RYR2: variants seen among roughly 807,000 people sequenced by gnomAD.
The protein encoded by RYR2 is ryanodine receptor 2.
In RYR2, 227 loss-of-function variants were observed where a neutral mutation model predicts 601.1. The ratio of observed to expected loss-of-function variants is 0.38; its 90% CI spans 0.34 to 0.42. RYR2 has a LOEUF of 0.42. Among genes scored for constraint, RYR2 ranks in the 10% least tolerant of loss-of-function variants. The pLI, the probability that RYR2 is intolerant of heterozygous loss-of-function variation, is 1.00. For synonymous variants in RYR2, 2,223 were observed against 2,175.1 expected (o/e 1.02, Z -0.61); for missense variants, 4,646 against 6,156.5 (o/e 0.75, Z 8.21).
At position 237,455,805 on chromosome 1, in the gene RYR2, G is replaced by A. The variant is rs1047066874; in HGVS notation, c.1477-795G>A. On this transcript the variant is annotated intron_variant, in intron 15 of 104. Coordinates refer to ENST00000366574, the MANE Select transcript of RYR2 (RefSeq NM_001035.3). ...AGTATCAACATAAACCAATAATAAC[G>A]TGGACTAGTTTCCTGGGAGCTTTCA... Among the ~76,000 whole-genome samples the A allele has an allele frequency of 4.6e-5, 7 of 152,144 alleles. No homozygotes were observed. The South Asian group carries it at 1.2e-3, about 27-fold the overall frequency.
chr1:237,148,479 C>T (rs1974269), intron 1 of RYR2, among the ~76,000 whole-genome samples: 81,751 of 144,908 alleles, frequency 0.56, 24,131 homozygotes, highest in Non-Finnish European at 0.65. Flanking sequence ...ACGTAACAAA[C>T]CTGTGCATTC....
intron 1 of RYR2, among the ~76,000 whole-genome samples, chr1:237,101,482 A>C (rs1207449582): frequency 6.6e-6 from 1 of 152,134 alleles, no homozygotes; most frequent in East Asian, 1.9e-4. Context: ...CAATTAAATA[A>C]TATTTATTGA....
chr1:237,604,290 A>G (rs1676851812), intron 35 of RYR2, among the ~76,000 whole-genome samples: 1 of 152,214 alleles, frequency 6.6e-6, no homozygotes, highest in Admixed American at 6.5e-5. Flanking sequence ...ACTCAACTAC[A>G]TGGACACTGA....
chr1:237,833,163 T>A lies in RYR2; in HGVS notation c.*516T>A, dbSNP rs1020476108. 6.6e-6 allele frequency: 1 copy of A among 152,320 alleles called. No homozygotes were observed. The allele number at this position is 152,320 out of a possible 1,614,324, so 9.4% of individuals were successfully genotyped here. On this transcript the variant is annotated 3_prime_UTR_variant, in exon 105 of 105. Coordinates refer to ENST00000366574, the MANE Select transcript of RYR2 (RefSeq NM_001035.3). Reference sequence around the variant, plus strand: ...CAGAAGATACGTGCATGAAAAAACATCTTTATTTTCTTTATGTCGACCTTT... The same window carrying A: ...CAGAAGATACGTGCATGAAAAAACAACTTTATTTTCTTTATGTCGACCTTT...
At chr1:237,266,958 T>C (rs115403251) in intron 1 of RYR2, among the ~76,000 whole-genome samples, 131 of 152,332 alleles carry the variant, frequency 8.6e-4, no homozygotes, top group African/African-American at 3.1e-3. Flanking sequence ...TTCATTACCA[T>C]GCACTCCATC....
intron 1 of RYR2, among the ~76,000 whole-genome samples, chr1:237,130,689 C>T (rs1306196096): frequency 7.9e-6 from 1 of 126,844 alleles, no homozygotes. Context: ...GAGCGAGACT[C>T]TGTCTCAAAA....
rs150166236 is a variant in RYR2 at position 237,153,847 on chromosome 1, G to T, written c.48+111278G>T. Reference sequence around the variant, plus strand: ...TTTTCTGCTGTAAAAATACTGTTTTGCTACTAGGCAAACAGGGTTTTTGTT... The same window carrying T: ...TTTTCTGCTGTAAAAATACTGTTTTTCTACTAGGCAAACAGGGTTTTTGTT... On this transcript the variant is annotated intron_variant, in intron 1 of 104. Transcript: ENST00000366574. 6.0e-3 allele frequency among the ~76,000 whole-genome samples: 911 copies of T among 152,174 alleles called. 10 individuals are homozygous for T. The highest frequency in any genetic ancestry group is 0.02 in the African/African-American group (833 of 41,512).
chr1:237,292,312 C>A (rs2149424181), intron 2 of RYR2, among the ~76,000 whole-genome samples: 2 of 152,120 alleles, frequency 1.3e-5, no homozygotes, highest in South Asian at 4.2e-4. Context: ...CAGTATAATA[C>A]CATTTATATC....
rs759048462 is a variant in RYR2 at position 237,678,096 on chromosome 1, T to C, written c.8879T>C (p.Ile2960Thr). The change falls in exon 61 of 105, where the codon ATC becomes ACC. Residue 2960 changes from isoleucine (I) to threonine (T), a missense_variant. Transcript: ENST00000366574. ...KGEHFPYEQE[I>T]KFFAKVVLPL... is the part of the protein sequence containing the mutation. ...GAACATTTCCCTTATGAACAAGAAA[T>C]CAAGTTCTTTGCAAAAGTACAGTAT... 2.5e-6 allele frequency: 4 copies of C among 1,596,292 alleles called. No individual in the cohort carries two copies. In the African/African-American group the frequency reaches 5.4e-5, roughly 21 times the overall value.
At chr1:237,091,427 T>TG (rs1666933776) in intron 1 of RYR2, among the ~76,000 whole-genome samples, 1 of 113,686 alleles carries the variant, frequency 8.8e-6, no homozygotes, top group African/African-American at 5.1e-5. Context: ...TTTCTTTTTT[T>TG]TGGGGGGGGC....
intron 1 of RYR2, among the ~76,000 whole-genome samples, chr1:237,111,590 TAA>T (rs71178394): frequency 0.056 from 6,739 of 119,960 alleles, 202 homozygotes; most frequent in African/African-American, 0.068. Context: ...TCCGTCTCTT[TAA>T]AAAAAAAAAA....
At chr1:237,770,981 C>T (rs1466176827) in intron 85 of RYR2, 94 bp downstream of exon 85, 1 of 665,210 alleles carries the variant, frequency 1.5e-6, no homozygotes, top group East Asian at 2.9e-5. Context: ...AATTATGCAT[C>T]GTTCTAGAGA....
chr1:237,423,113 A>T lies in RYR2; in HGVS notation c.870A>T (p.Arg290Ser), dbSNP rs963289044. ...TTAGGTGGAGTGGAAGCCACATAAG[A>T]TGGGGACAGCCATTCCGACTACGCC... is the stretch of plus-strand genomic sequence containing the variant. ...LRVAWSGSHI[R>S]WGQPFRLRHV... The change falls in exon 12 of 105, where the codon AGA becomes AGT. Residue 290 changes from arginine (R) to serine (S), a missense_variant. This residue lies in a region of RYR2 where 87 missense variants were observed against 144.7 expected (regional missense o/e 0.60). Coordinates refer to ENST00000366574, the MANE Select transcript of RYR2 (RefSeq NM_001035.3). The T allele has an allele frequency of 6.2e-7, 1 of 1,613,534 alleles. No individual in the cohort carries two copies. Among genetic ancestry groups the T allele is most frequent in the Non-Finnish European group, 8.5e-7 (1 of 1,179,742 alleles).
intron 75 of RYR2, among the ~76,000 whole-genome samples, chr1:237,726,564 C>T (rs984115419): frequency 6.6e-6 from 1 of 152,034 alleles, no homozygotes; most frequent in Non-Finnish European, 1.5e-5. Context: ...GCGTTGTCTT[C>T]TTCTCTTTAT....
At chr1:237,499,127 A>G (rs1179575846) in intron 20 of RYR2, among the ~76,000 whole-genome samples, 18 of 152,188 alleles carry the variant, frequency 1.2e-4, no homozygotes, top group Non-Finnish European at 2.6e-4. Context: ...GATTTCCAGG[A>G]TAGAGCACCT....
At chr1:237,108,951 A>C (rs1669099572) in intron 1 of RYR2, among the ~76,000 whole-genome samples, 1 of 152,184 alleles carries the variant, frequency 6.6e-6, no homozygotes, top group African/African-American at 2.4e-5. Context: ...CATTGTGAGC[A>C]CACTTCAATA....
intron 18 of RYR2, among the ~76,000 whole-genome samples, 194 bp downstream of exon 18, chr1:237,492,118 C>T (rs908464537): frequency 1.3e-5 from 2 of 152,152 alleles, no homozygotes; most frequent in African/African-American, 2.4e-5. Context: ...CTGCAACCTC[C>T]GCCTCTAGGG....
chr1:237,144,724 C>G (rs1455940341), intron 1 of RYR2, among the ~76,000 whole-genome samples: 1 of 151,956 alleles, frequency 6.6e-6, no homozygotes, highest in Non-Finnish European at 1.5e-5. Context: ...GTCTAGCTGC[C>G]CTGGAGACTC....
chr1:237,181,145 T>G (rs545743181), intron 1 of RYR2, among the ~76,000 whole-genome samples: 1 of 151,946 alleles, frequency 6.6e-6, no homozygotes, highest in African/African-American at 2.4e-5. Context: ...CACCATGCCC[T>G]GCTAATTTTT....
Sources: gnomAD v4.1 joint callset for allele counts (sites outside exome capture counted in the v4.1 genomes callset) on GRCh38, gnomAD v4.1.1 for gene constraint, gnomAD v4.1.1 regional missense constraint, MANE v1.5 for transcripts, NCBI Gene and HGNC (gene_info 2026-07-23, HGNC 2026-07-21) for gene names.